Variants in TLN2 observed in about 807,000 individuals in gnomAD.
The protein encoded by TLN2 is talin 2.
TLN2 carries 118 observed loss-of-function variants against 294.7 expected under a neutral mutation model. That is an observed-to-expected ratio of 0.40 (90% CI 0.34 to 0.47). The LOEUF is 0.47. Among genes scored for constraint, TLN2 ranks in the 20% least tolerant of loss-of-function variants. The pLI, the probability that TLN2 is intolerant of heterozygous loss-of-function variation, is 0.84. For synonymous variants in TLN2, 1,431 were observed against 1,304.5 expected (o/e 1.10, Z -2.09); for missense variants, 3,083 against 3,282.2 (o/e 0.94, Z 1.48).
chr15:62,407,913 A>C (rs759267109), intron 1 of TLN2, among the ~76,000 whole-genome samples: 2 of 149,758 alleles, frequency 1.3e-5, no homozygotes, highest in Admixed American at 1.3e-4. Context: ...AGAGAGTGAG[A>C]CTCTGTCTCA....
chr15:62,690,819 C>A (rs1399958857), intron 12 of TLN2, among the ~76,000 whole-genome samples: 1 of 151,312 alleles, frequency 6.6e-6, no homozygotes, highest in Non-Finnish European at 1.5e-5. Context: ...GAGACCAGCC[C>A]GGCCAACACA....
intron 58 of TLN2, 120 bp from the exon 59 acceptor site, chr15:62,840,362 T>C (rs570902136): frequency 5.4e-5 from 77 of 1,415,980 alleles, no homozygotes; most frequent in Admixed American, 5.4e-4. Flanking sequence ...AGAAAGCTGT[T>C]CCGGATGTGC....
intron 3 of TLN2, among the ~76,000 whole-genome samples, chr15:62,631,669 CTT>C (rs2140889473): frequency 6.8e-6 from 1 of 146,460 alleles, no homozygotes; most frequent in South Asian, 2.2e-4. Flanking sequence ...CTTTCTTTCT[CTT>C]TCCTCCTCTC....
At chr15:62,693,127 A>ATAAT (rs1000417292) in intron 13 of TLN2, among the ~76,000 whole-genome samples, 186 bp downstream of exon 13, 9 of 152,182 alleles carry the variant, frequency 5.9e-5, no homozygotes, top group Non-Finnish European at 1.2e-4. Context: ...GTCAGGTATT[A>ATAAT]GAGACCAGTC....
intron 15 of TLN2, among the ~76,000 whole-genome samples, chr15:62,698,518 A>G (rs114198680): frequency 1.6e-3 from 247 of 152,238 alleles, no homozygotes; most frequent in African/African-American, 5.8e-3. Flanking sequence ...AGCTCTTCAC[A>G]CACTTCTGAT....
At chr15:62,735,055 C>G (rs2060933887) in intron 28 of TLN2, among the ~76,000 whole-genome samples, 1 of 152,180 alleles carries the variant, frequency 6.6e-6, no homozygotes, top group Non-Finnish European at 1.5e-5. Flanking sequence ...TATGTTCTAA[C>G]AGAAAGGGCT....
chr15:62,686,526 C>CCA lies in TLN2; in HGVS notation c.958-115_958-114insCA, dbSNP rs1257418614. The CCA allele has an allele frequency of 9.2e-3, 11,868 of 1,291,842 alleles. 586 individuals are homozygous for CCA. The African/African-American group carries it at 0.11, about 12-fold the overall frequency. 80.0% of individuals were successfully genotyped at this position (1,291,842 alleles called of 1,614,324 possible). A position where few individuals can be genotyped will look rare whatever the true frequency, so the allele number is the denominator to read the frequency against. ...TCAAAATCTTGGTTTCCCTATAGCC[C>CCA]TACCTGTTTTGAAAGACAGTGTATG... On this transcript the variant is annotated intron_variant, in intron 11 of 58. Coordinates refer to ENST00000636159, the MANE Select transcript of TLN2 (RefSeq NM_015059.3).
intron 51 of TLN2, among the ~76,000 whole-genome samples, chr15:62,806,165 C>T (rs2066266334): frequency 6.6e-6 from 1 of 151,994 alleles, no homozygotes; most frequent in African/African-American, 2.4e-5. Flanking sequence ...TGCACTCCAG[C>T]CTAGGTGACA....
intron 1 of TLN2, among the ~76,000 whole-genome samples, chr15:62,585,442 T>G (rs185586145): frequency 5.1e-4 from 78 of 152,292 alleles, no homozygotes; most frequent in African/African-American, 1.9e-3. Flanking sequence ...ATTTCTGCTC[T>G]TACGATGAGC....
In TLN2 at chr15:62,759,719, G is replaced by A. The variant is rs566003914; in HGVS notation, c.4639-1962G>A. On this transcript the variant is annotated intron_variant, in intron 37 of 58. Transcript: ENST00000636159. ...TCTCCTGTTAAGCTGGAAGTCGTGTGATCCCAGCTGAAGGGGTATGATTGG... is the reference window on the plus strand; with the variant it reads ...TCTCCTGTTAAGCTGGAAGTCGTGTAATCCCAGCTGAAGGGGTATGATTGG... Among the ~76,000 whole-genome samples, 4 of 152,330 alleles carry A rather than the reference G, an allele frequency of 2.6e-5. No homozygotes were observed. In the South Asian group the frequency reaches 8.3e-4, roughly 32 times the overall value.
chr15:62,430,622 C>G (rs1159773976), intron 1 of TLN2, among the ~76,000 whole-genome samples: 3 of 152,094 alleles, frequency 2.0e-5, no homozygotes, highest in Non-Finnish European at 2.9e-5. Context: ...GTGGACAGAT[C>G]TCATCTCTGT....
intron 9 of TLN2, among the ~76,000 whole-genome samples, chr15:62,661,858 G>C (rs144000398): frequency 6.6e-6 from 1 of 152,090 alleles, no homozygotes; most frequent in African/African-American, 2.4e-5. Flanking sequence ...CAAACAAAGC[G>C]TAAGTAGAGA....
Position 62,510,175 on chromosome 15 carries a change from A to G in TLN2, c.-237-79512A>G, listed in dbSNP as rs1182611820. On this transcript the variant is annotated intron_variant, in intron 1 of 58. Transcript: ENST00000636159. ...CCAGTACCCCAAATGGCTCGTGTTC[A>G]GCTTCCCTTCTCATGACAGGTGCTG... 3.3e-5 allele frequency among the ~76,000 whole-genome samples: 5 copies of G among 152,248 alleles called. No homozygotes were observed. The East Asian group carries it at 7.7e-4, about 24-fold the overall frequency.
intron 1 of TLN2, among the ~76,000 whole-genome samples, chr15:62,502,054 T>G (rs746735264): frequency 1.7e-4 from 26 of 152,204 alleles, no homozygotes; most frequent in Admixed American, 9.2e-4. Flanking sequence ...ATGGGCCTTA[T>G]AGGAGAACTA....
intron 1 of TLN2, among the ~76,000 whole-genome samples, chr15:62,402,301 T>A (rs946194849): frequency 9.9e-5 from 15 of 152,234 alleles, no homozygotes; most frequent in Non-Finnish European, 7.3e-5. Context: ...TCATTACTGA[T>A]AACCGCACCT....
At chr15:62,764,103 G>A (rs1411700613) in intron 40 of TLN2, among the ~76,000 whole-genome samples, 9 of 152,160 alleles carry the variant, frequency 5.9e-5, no homozygotes, top group Non-Finnish European at 1.3e-4. Context: ...GGCCAATTCA[G>A]CATTAAACGA....
At chr15:62,580,367 A>G (rs2044828730) in intron 1 of TLN2, among the ~76,000 whole-genome samples, 1 of 150,458 alleles carries the variant, frequency 6.6e-6, no homozygotes, top group Non-Finnish European at 1.5e-5. Context: ...TAAAGACCAT[A>G]GTTTACCTTA....
intron 2 of TLN2, among the ~76,000 whole-genome samples, chr15:62,610,527 G>A (rs1200250956): frequency 1.3e-5 from 2 of 152,170 alleles, no homozygotes; most frequent in East Asian, 1.9e-4. Flanking sequence ...TTCTGCTTAG[G>A]AACGCTAGAC....
chr15:62,676,555 A>G (rs897762742), intron 11 of TLN2, among the ~76,000 whole-genome samples: 1 of 152,232 alleles, frequency 6.6e-6, no homozygotes, highest in Non-Finnish European at 1.5e-5. Context: ...GTAAACAGCC[A>G]TCCATCAAGC....
Sources: allele counts gnomAD v4.1 joint callset (sites outside exome capture counted in the v4.1 genomes callset), GRCh38; gene constraint gnomAD v4.1.1; transcripts MANE v1.5; gene names NCBI Gene and HGNC (gene_info 2026-07-23, HGNC 2026-07-21).